PDS5A: variants seen among roughly 807,000 people sequenced by gnomAD.
PDS5A encodes the protein sister chromatid cohesion protein PDS5 homolog A.
A neutral mutation model predicts 167.1 loss-of-function variants in PDS5A; 42 were observed. That is an observed-to-expected ratio of 0.25 (90% CI 0.20 to 0.33). The LOEUF is 0.33. Among genes scored for constraint, PDS5A ranks in the 10% least tolerant of loss-of-function variants. The pLI is 1.00. For missense variants in PDS5A, 1,033 were observed against 1,605.9 expected (o/e 0.64, Z 6.10); for synonymous variants, 553 against 554.6 (o/e 1.00, Z 0.04).
chr4:39,848,834 G>A lies in PDS5A; in HGVS notation c.3339+17C>T, dbSNP rs1328588427. The A allele has an allele frequency of 1.9e-6, 3 of 1,565,610 alleles. No individual in the cohort carries two copies. The highest frequency in any genetic ancestry group is 1.9e-5 in the Admixed American group (1 of 52,922). ...ATCAGTTTAGTGTGGTAGGAAAAAT[G>A]AGAGGAAGAAAATTACCTTTTCAGG... On this transcript the variant is annotated intron_variant, in intron 28 of 32. Transcript: ENST00000303538.
chr4:39,848,675 C>T (rs1717856560), intron 28 of PDS5A, 176 bp downstream of exon 28: 1 of 586,210 alleles, frequency 1.7e-6, no homozygotes, highest in Admixed American at 3.1e-5. Flanking sequence ...GTGTAGTCTT[C>T]TGTTCAAGTC....
In PDS5A at chr4:39,900,410, C is replaced by T. The variant is rs996888566; in HGVS notation, c.1581+16G>A. ...GACTATAATAAACTATGAATTTAAA[C>T]AAATCATGAACCTACTGTAGGCTGC... On this transcript the variant is annotated intron_variant, in intron 14 of 32. Transcript: ENST00000303538. 3 of 1,521,214 alleles carry T rather than the reference C, an allele frequency of 2.0e-6. No individual in the cohort carries two copies. The highest frequency in any genetic ancestry group is 2.7e-5 in the African/African-American group (2 of 73,310). The allele number at this position is 1,521,214 out of a possible 1,614,324, so 94.2% of individuals were successfully genotyped here.
At chr4:39,934,625 T>C (rs2679779) in intron 2 of PDS5A, among the ~76,000 whole-genome samples, 1,202 of 87,770 alleles carry the variant, frequency 0.014, 4 homozygotes, top group African/African-American at 0.023. Context: ...CTTTTTTTTT[T>C]TTTTTTTAAG....
At chr4:39,865,010 A>G (rs564129382) in intron 23 of PDS5A, among the ~76,000 whole-genome samples, 1 of 152,320 alleles carries the variant, frequency 6.6e-6, no homozygotes, top group East Asian at 1.9e-4. Flanking sequence ...ATAAAGAGTC[A>G]AGGATAACAT....
At chr4:39,882,331 C>A (rs944774276) in intron 17 of PDS5A, among the ~76,000 whole-genome samples, 4 of 152,138 alleles carry the variant, frequency 2.6e-5, no homozygotes, top group African/African-American at 9.7e-5. Flanking sequence ...TAATCCTTTA[C>A]CAAATACATG....
At chr4:39,830,212 G>A (rs1224842720) in intron 32 of PDS5A, among the ~76,000 whole-genome samples, 1 of 151,956 alleles carries the variant, frequency 6.6e-6, no homozygotes, top group Non-Finnish European at 1.5e-5. Context: ...TACTAATACA[G>A]ATGCCAGGCA....
chr4:39,940,229 T>G (rs1011666414), intron 2 of PDS5A, among the ~76,000 whole-genome samples: 2 of 150,824 alleles, frequency 1.3e-5, no homozygotes, highest in African/African-American at 2.4e-5. Context: ...GAAGAAAAAA[T>G]AAAAGAAAAA....
chr4:39,855,067 A>G (rs1034519342), intron 26 of PDS5A, among the ~76,000 whole-genome samples: 2 of 152,176 alleles, frequency 1.3e-5, no homozygotes, highest in African/African-American at 2.4e-5. Context: ...GAAATTTCAG[A>G]TATCAATTGC....
At chr4:39,973,785 A>G in intron 2 of PDS5A, 1 of 1,267,120 alleles carries the variant, frequency 7.9e-7, no homozygotes, top group Non-Finnish European at 1.2e-6. Flanking sequence ...CCTACCAGCC[A>G]GCACCTCCTT....
chr4:39,941,476 GCTT>G (rs1351894817), intron 2 of PDS5A, among the ~76,000 whole-genome samples: 5 of 152,218 alleles, frequency 3.3e-5, no homozygotes, highest in African/African-American at 9.6e-5. Flanking sequence ...GCCAATACGT[GCTT>G]CTTTGCAGCT....
At chr4:39,918,838 G>T (rs1218153617) in intron 7 of PDS5A, among the ~76,000 whole-genome samples, 1 of 152,132 alleles carries the variant, frequency 6.6e-6, no homozygotes, top group Non-Finnish European at 1.5e-5. Context: ...GGGCAACAGG[G>T]CGAGACTCCA....
At chr4:39,884,831 A>G (rs1220202047) in intron 17 of PDS5A, among the ~76,000 whole-genome samples, 3 of 152,210 alleles carry the variant, frequency 2.0e-5, no homozygotes, top group Non-Finnish European at 4.4e-5. Context: ...CCATCATTAC[A>G]ATGACTACTT....
chr4:39,898,793 T>C lies in PDS5A; in HGVS notation c.1614A>G (p.Lys538=), dbSNP rs770954830. ...CATACTCACTTGCTATGGTCATCAG[T>C]TTTCCAAACATGGCAGAACAGTTAG... ...SEANCSAMFG[K]LMTIAKNLPD... is the part of the protein sequence containing the mutation. Residue 538 remains lysine, a synonymous_variant, in exon 15 of 33, where the codon AAA becomes AAG. Transcript: ENST00000303538. The C allele has an allele frequency of 6.3e-7, 1 of 1,590,066 alleles. No individual in the cohort carries two copies. The highest frequency in any genetic ancestry group is 8.6e-7 in the Non-Finnish European group (1 of 1,165,260).
chr4:39,903,775 T>C (rs925115315), intron 12 of PDS5A, among the ~76,000 whole-genome samples: 3 of 152,164 alleles, frequency 2.0e-5, no homozygotes, highest in Admixed American at 6.5e-5. Context: ...GAGTGAACAT[T>C]TGGTCTCTAA....
intron 20 of PDS5A, 47 bp downstream of exon 20, chr4:39,874,242 T>A: frequency 6.5e-7 from 1 of 1,529,990 alleles, no homozygotes. Context: ...ACTATAGAGC[T>A]TAAAAAATAA....
intron 2 of PDS5A, among the ~76,000 whole-genome samples, chr4:39,940,570 G>C (rs1018442846): frequency 1.3e-5 from 2 of 152,204 alleles, no homozygotes; most frequent in African/African-American, 4.8e-5. Context: ...AGATAATGTA[G>C]GGGCTTCAGA....
chr4:39,934,735 A>T (rs139225417), intron 2 of PDS5A, among the ~76,000 whole-genome samples: 1 of 151,298 alleles, frequency 6.6e-6, no homozygotes, highest in Non-Finnish European at 1.5e-5. Context: ...ATTAATAATG[A>T]TTAACATTTA....
intron 32 of PDS5A, among the ~76,000 whole-genome samples, chr4:39,826,700 T>C (rs1235113556): frequency 2.0e-5 from 3 of 152,162 alleles, no homozygotes; most frequent in African/African-American, 7.2e-5. Context: ...TTGGTCAGGA[T>C]GGTCTTGAAC....
intron 2 of PDS5A, among the ~76,000 whole-genome samples, chr4:39,941,198 G>A (rs879684424): frequency 6.7e-6 from 1 of 149,484 alleles, no homozygotes; most frequent in Non-Finnish European, 1.5e-5. Flanking sequence ...GAAGGCAATA[G>A]ATTTAAAAAT....
Sources: gnomAD v4.1 joint callset for allele counts (sites outside exome capture counted in the v4.1 genomes callset) on GRCh38, gnomAD v4.1.1 for gene constraint, MANE v1.5 for transcripts, NCBI Gene and HGNC (gene_info 2026-07-23, HGNC 2026-07-21) for gene names.